The following EPHA4 variants were observed in gnomAD, a reference collection of about 807,000 sequenced individuals.
EPHA4 encodes the protein EPH receptor A4.
Under a neutral mutation model 108.3 loss-of-function variants are expected in EPHA4, and 19 were observed. That is an observed-to-expected ratio of 0.18 (90% CI 0.12 to 0.26). The LOEUF is 0.26. Among genes scored for constraint, EPHA4 ranks in the 10% least tolerant of loss-of-function variants. The probability of loss-of-function intolerance (pLI) is 1.00; values close to 1 mark genes in which losing one functional copy is unlikely to be tolerated. For missense variants in EPHA4, 917 were observed against 1,254.0 expected (o/e 0.73, Z 4.06); for synonymous variants, 449 against 455.5 (o/e 0.99, Z 0.18).
Position 221,453,526 on chromosome 2 carries a change from C to T in EPHA4, c.1715+2021G>A, listed in dbSNP as rs566247718. Among the ~76,000 whole-genome samples, 6 of 152,158 alleles carry T rather than the reference C, an allele frequency of 3.9e-5. No individual in the cohort carries two copies. The South Asian group carries it at 1.2e-3, about 32-fold the overall frequency. On this transcript the variant is annotated intron_variant, in intron 8 of 17. Transcript: ENST00000281821. ...TTGATTGGCTTTCAAAATCAAATAC[C>T]AGGGAAGGAAAGAACAGTGGGAATT... is the stretch of plus-strand genomic sequence containing the variant.
intron 5 of EPHA4, among the ~76,000 whole-genome samples, chr2:221,461,247 ATC>A (rs1222086818): frequency 6.6e-6 from 1 of 152,230 alleles, no homozygotes; most frequent in Non-Finnish European, 1.5e-5. Flanking sequence ...CCCTAAAATC[ATC>A]TCTGATGCCA....
chr2:221,567,421 G>A (rs1694700671), intron 2 of EPHA4, among the ~76,000 whole-genome samples: 1 of 152,122 alleles, frequency 6.6e-6, no homozygotes, highest in Non-Finnish European at 1.5e-5. Context: ...AAGGATGAGG[G>A]CAATTGCCTG....
chr2:221,422,695 A>G (rs1574549013), intron 17 of EPHA4, among the ~76,000 whole-genome samples: 1 of 152,326 alleles, frequency 6.6e-6, no homozygotes, highest in Middle Eastern at 3.4e-3. Context: ...CAGAGACCAG[A>G]CAAAGCATGT....
intron 3 of EPHA4, 148 bp from the exon 4 acceptor site, chr2:221,501,320 C>A: frequency 1.6e-6 from 1 of 620,656 alleles, no homozygotes; most frequent in Non-Finnish European, 2.5e-6. Flanking sequence ...GGTCATGCAA[C>A]CAAAAGCATT....
At chr2:221,560,821 T>A (rs1417402699) in intron 3 of EPHA4, among the ~76,000 whole-genome samples, 3 of 152,206 alleles carry the variant, frequency 2.0e-5, no homozygotes, top group Non-Finnish European at 4.4e-5. Context: ...AATTCATACA[T>A]CTTTCCTCGT....
intron 4 of EPHA4, among the ~76,000 whole-genome samples, chr2:221,495,386 G>A (rs563599937): frequency 1.3e-5 from 2 of 152,246 alleles, no homozygotes; most frequent in South Asian, 2.1e-4. Flanking sequence ...GCCTAAAGAC[G>A]GTTTTACAGA....
intron 5 of EPHA4, among the ~76,000 whole-genome samples, chr2:221,459,336 A>G (rs1398419463): frequency 6.7e-6 from 1 of 148,524 alleles, no homozygotes; most frequent in Non-Finnish European, 1.5e-5. Context: ...CCTCTCTCTC[A>G]GTCCCAAAGC....
chr2:221,464,108 C>A (rs937491197), intron 5 of EPHA4, among the ~76,000 whole-genome samples: 1 of 152,066 alleles, frequency 6.6e-6, no homozygotes, highest in Non-Finnish European at 1.5e-5. Flanking sequence ...TACACAATGG[C>A]CAGTGTTTGC....
intron 4 of EPHA4, among the ~76,000 whole-genome samples, chr2:221,497,369 G>A (rs988201677): frequency 6.6e-6 from 1 of 152,178 alleles, no homozygotes; most frequent in Non-Finnish European, 1.5e-5. Flanking sequence ...GCAAGTTGAT[G>A]GCGTCGCCAT....
chr2:221,528,250 A>T (rs1480278103), intron 3 of EPHA4, among the ~76,000 whole-genome samples: 1 of 152,220 alleles, frequency 6.6e-6, no homozygotes, highest in Non-Finnish European at 1.5e-5. Context: ...TAAAAAATAC[A>T]CAGACTCAAG....
At chr2:221,554,230 CAA>C (rs980319981) in intron 3 of EPHA4, among the ~76,000 whole-genome samples, 4 of 152,236 alleles carry the variant, frequency 2.6e-5, no homozygotes, top group African/African-American at 9.6e-5. Context: ...ACAGCATCAT[CAA>C]ACTTTGTCAG....
chr2:221,484,849 T>A (rs1389358222), intron 4 of EPHA4, among the ~76,000 whole-genome samples: 1 of 152,224 alleles, frequency 6.6e-6, no homozygotes, highest in Non-Finnish European at 1.5e-5. Flanking sequence ...TTCCACCATG[T>A]GTTCCTCACT....
At chr2:221,444,948 G>A (rs1424664491) in intron 9 of EPHA4, among the ~76,000 whole-genome samples, 1 of 151,624 alleles carries the variant, frequency 6.6e-6, no homozygotes, top group Non-Finnish European at 1.5e-5. Flanking sequence ...TGTAGAGACG[G>A]AGTTTTGCCA....
At chr2:221,480,141 C>T (rs1178506419) in intron 5 of EPHA4, among the ~76,000 whole-genome samples, 1 of 151,114 alleles carries the variant, frequency 6.6e-6, no homozygotes, top group Non-Finnish European at 1.5e-5. Context: ...CCTTTTGCCC[C>T]AGTAGGTGTT....
chr2:221,517,035 G>T (rs1167738742), intron 3 of EPHA4, among the ~76,000 whole-genome samples: 1 of 152,178 alleles, frequency 6.6e-6, no homozygotes, highest in Non-Finnish European at 1.5e-5. Flanking sequence ...ATTGCTGAGC[G>T]CTCCTACGTG....
intron 3 of EPHA4, among the ~76,000 whole-genome samples, chr2:221,551,540 T>C (rs1694161667): frequency 6.6e-6 from 1 of 152,196 alleles, no homozygotes; most frequent in Admixed American, 6.5e-5. Context: ...AAAGTTTTAG[T>C]ACAATTGCTG....
chr2:221,439,646 C>T (rs1359421820), intron 11 of EPHA4, among the ~76,000 whole-genome samples: 1 of 151,918 alleles, frequency 6.6e-6, no homozygotes, highest in Non-Finnish European at 1.5e-5. Flanking sequence ...AGCCACCGAG[C>T]CCAGCTTGTG....
In EPHA4 at chr2:221,425,274, C is replaced by T. The variant is rs1286448463; in HGVS notation, c.*754G>A. On this transcript the variant is annotated 3_prime_UTR_variant, in exon 17 of 18. Transcript: ENST00000281821. Reference sequence around the variant, plus strand: ...GAACGTTCTCTATTCCAGATTGTCACAGCCCACTATCCACAAGATAGTTAG... The same window carrying T: ...GAACGTTCTCTATTCCAGATTGTCATAGCCCACTATCCACAAGATAGTTAG... 6.6e-6 allele frequency: 1 copy of T among 152,528 alleles called. No homozygotes were observed. Among genetic ancestry groups the T allele is most frequent in the Admixed American group, 6.6e-5 (1 of 15,258 alleles). 9.4% of individuals were successfully genotyped at this position (152,528 alleles called of 1,614,324 possible).
At chr2:221,461,611 T>C (rs1026893099) in intron 5 of EPHA4, among the ~76,000 whole-genome samples, 1 of 152,146 alleles carries the variant, frequency 6.6e-6, no homozygotes, top group Non-Finnish European at 1.5e-5. Context: ...ACTAGACACA[T>C]ACTTAATGAG....
Sources: gnomAD v4.1 joint callset for allele counts (sites outside exome capture counted in the v4.1 genomes callset) on GRCh38, gnomAD v4.1.1 for gene constraint, MANE v1.5 for transcripts, NCBI Gene and HGNC (gene_info 2026-07-23, HGNC 2026-07-21) for gene names.